SCO1: variants seen among roughly 807,000 people sequenced by gnomAD.
SCO1 encodes synthesis of cytochrome C oxidase 1.
A neutral mutation model predicts 34.0 loss-of-function variants in SCO1; 23 were observed. The observed-to-expected ratio is 0.68, with a 90% CI of 0.49 to 0.96. SCO1 has a LOEUF of 0.96. SCO1 is among the 40% of genes least tolerant of loss of function. The pLI is 0.00. For missense variants in SCO1, 404 were observed against 381.6 expected, an observed-to-expected ratio of 1.06 and a Z score of -0.49; for synonymous variants, 161 against 145.5, an observed-to-expected ratio of 1.11 and a Z score of -0.77.
intron 4 of SCO1, among the ~76,000 whole-genome samples, chr17:10,689,300 G>C (rs2074676938): frequency 6.6e-6 from 1 of 152,042 alleles, no homozygotes; most frequent in East Asian, 1.9e-4. Context: ...ATACTTTATT[G>C]CATGTCAATT....
rs1319455477 is a variant in SCO1, at chr17:10,678,676, G to A, written c.*2443C>T. Reference sequence around the variant, plus strand: ...CTTTCTTGACCAGATTCCTAGGAAAGTCATTCTAAACCAACTGCTTCCGAG... The same window carrying A: ...CTTTCTTGACCAGATTCCTAGGAAAATCATTCTAAACCAACTGCTTCCGAG... On this transcript the variant is annotated 3_prime_UTR_variant, in exon 6 of 6. Transcript: ENST00000255390. 6.6e-6 allele frequency: 1 copy of A among 152,164 alleles called. No homozygotes were observed. The highest frequency in any genetic ancestry group is 1.5e-5 in the Non-Finnish European group (1 of 68,036). 9.4% of individuals were successfully genotyped at this position (152,164 alleles called of 1,614,324 possible).
intron 1 of SCO1, among the ~76,000 whole-genome samples, chr17:10,696,516 T>C (rs577037883): frequency 1.4e-4 from 22 of 152,270 alleles, no homozygotes; most frequent in South Asian, 2.1e-4. Flanking sequence ...CTGAGATAAA[T>C]AGACCAAACG....
In SCO1 at chr17:10,695,801, A is replaced by C. The variant is rs539094737; in HGVS notation, c.304T>G (p.Phe102Val). ...PVSWKSLAIT[F>V]AIGGALLAGM... ...GCCAGTAAAGCTCCTCCAATAGCAAATGTGATTGCTAAAGACTTCCAGGAA... is the reference window on the plus strand; with the variant it reads ...GCCAGTAAAGCTCCTCCAATAGCAACTGTGATTGCTAAAGACTTCCAGGAA... The change falls in exon 2 of 6, where the codon TTT becomes GTT. Residue 102 changes from phenylalanine (F) to valine (V), a missense_variant. Coordinates refer to ENST00000255390, the MANE Select transcript of SCO1 (RefSeq NM_004589.4). 14 of 1,613,520 alleles carry C rather than the reference A, an allele frequency of 8.7e-6. 1 individual carries two copies. The South Asian group carries it at 1.4e-4, about 16-fold the overall frequency.
chr17:10,680,557 C>A lies in SCO1; in HGVS notation c.*562G>T. The A allele has an allele frequency of 6.4e-6, 1 of 155,570 alleles. No homozygotes were observed. The highest frequency in any genetic ancestry group is 6.2e-5 in the Admixed American group (1 of 16,052). 9.6% of individuals were successfully genotyped at this position (155,570 alleles called of 1,614,324 possible). A position where few individuals can be genotyped will look rare whatever the true frequency, so the allele number is the denominator to read the frequency against. On this transcript the variant is annotated 3_prime_UTR_variant, in exon 6 of 6. Transcript: ENST00000255390. ...AACAATAGATTTCCTCTTCATTAGT[C>A]AAATCTGATAGTGATATTCATTAAT...
intron 4 of SCO1, among the ~76,000 whole-genome samples, chr17:10,688,520 C>G (rs1253544118): frequency 6.6e-6 from 1 of 152,112 alleles, no homozygotes; most frequent in Admixed American, 6.5e-5. Context: ...TGTGGAGGAG[C>G]TGGGACTCTC....
intron 2 of SCO1, 178 bp downstream of exon 2, chr17:10,695,563 C>T: frequency 3.6e-6 from 2 of 561,828 alleles, no homozygotes; most frequent in Non-Finnish European, 3.2e-6. Flanking sequence ...CATGGTTATA[C>T]AAGATGTTAA....
At chr17:10,696,650 C>A (rs1166794885) in intron 1 of SCO1, among the ~76,000 whole-genome samples, 1 of 151,726 alleles carries the variant, frequency 6.6e-6, no homozygotes, top group Admixed American at 6.5e-5. Flanking sequence ...ATTCAACTCC[C>A]CAAATGAAGA....
At position 10,679,045 on chromosome 17, in the gene SCO1, A is replaced by C. The variant is rs1292475026; in HGVS notation, c.*2074T>G. The C allele has an allele frequency of 1.3e-5, 2 of 152,202 alleles. No homozygotes were observed. The highest frequency in any genetic ancestry group is 2.4e-5 in the African/African-American group (1 of 41,376). 9.4% of individuals were successfully genotyped at this position (152,202 alleles called of 1,614,324 possible). Reference sequence around the variant, plus strand: ...ACTGCCACCTCTGCCTCCTGGGTTCAAGCGATTCTCCTGCCTCAGCCTCCG... The same window carrying C: ...ACTGCCACCTCTGCCTCCTGGGTTCCAGCGATTCTCCTGCCTCAGCCTCCG... On this transcript the variant is annotated 3_prime_UTR_variant, in exon 6 of 6. Transcript: ENST00000255390.
chr17:10,686,918 A>C, intron 4 of SCO1, 76 bp from the exon 5 acceptor site: 1 of 945,648 alleles, frequency 1.1e-6, no homozygotes. Flanking sequence ...AAAATGTATC[A>C]GTTGTAAAGC....
In SCO1 at chr17:10,692,882, C is replaced by T; in HGVS notation, c.444G>A (p.Glu148=). 6.2e-7 allele frequency: 1 copy of T among 1,614,186 alleles called. No individual in the cohort carries two copies. The highest frequency in any genetic ancestry group is 8.5e-7 in the Non-Finnish European group (1 of 1,180,026). Residue 148 remains glutamate (E), a synonymous_variant, in exon 3 of 6, where the codon GAG becomes GAA. Coordinates refer to ENST00000255390, the MANE Select transcript of SCO1 (RefSeq NM_004589.4). ...GPFSLTTHTG[E]RKTDKDYLGQ... Reference sequence around the variant, plus strand: ...CCAAGTAGTCCTTGTCAGTTTTACGCTCCCCAGTATGAGTTGTGAGGGAAA... The same window carrying T: ...CCAAGTAGTCCTTGTCAGTTTTACGTTCCCCAGTATGAGTTGTGAGGGAAA...
Position 10,697,288 on chromosome 17 carries a change from G to A in SCO1, c.220C>T (p.Pro74Ser), listed in dbSNP as rs1426952935. The A allele has an allele frequency of 4.5e-6, 7 of 1,566,108 alleles. No individual in the cohort carries two copies. The highest frequency in any genetic ancestry group is 2.1e-4 in the Middle Eastern group (1 of 4,712). ...TRPLSTARPP[P>S]PWSQKGPGDS... ...CCGGGGCCCTTCTGCGACCACGGGGGTGGCGGCCTCGCAGTGCTGAGGGGC... is the reference window on the plus strand; with the variant it reads ...CCGGGGCCCTTCTGCGACCACGGGGATGGCGGCCTCGCAGTGCTGAGGGGC... Residue 74 changes from proline to serine, a missense_variant, in exon 1 of 6, where the codon CCC becomes TCC. Coordinates refer to ENST00000255390, the MANE Select transcript of SCO1 (RefSeq NM_004589.4).
At chr17:10,696,440 G>T (rs964234686) in intron 1 of SCO1, among the ~76,000 whole-genome samples, 1 of 152,066 alleles carries the variant, frequency 6.6e-6, no homozygotes, top group Non-Finnish European at 1.5e-5. Context: ...GCAAAACTCC[G>T]TCTCAAAACA....
chr17:10,674,488 T>G lies in SCO1; in HGVS notation c.*6631A>C. The G allele has an allele frequency of 4.0e-6, 1 of 248,600 alleles. No individual in the cohort carries two copies. 15.4% of individuals were successfully genotyped at this position (248,600 alleles called of 1,614,324 possible). On this transcript the variant is annotated 3_prime_UTR_variant, in exon 6 of 6. Transcript: ENST00000255390. The stretch of plus-strand genomic sequence containing the variant: ...GATTGAGGAGAGCTGGAGTGGAGCC[T>G]GAGAAGCTGCATTTCTGCTAAGTAC...
In SCO1 at chr17:10,692,964, T is replaced by G. The variant is rs1171066941; in HGVS notation, c.365-3A>C. On this transcript the variant is annotated splice_region_variant and splice_polypyrimidine_tract_variant and intron_variant, in intron 2 of 5. Transcript: ENST00000255390. ...TCGCTGCCGTTCCTTCTCTAACTCT[T>G]AAGGAGACAAAAACATATCGACACC... The G allele has an allele frequency of 1.9e-6, 3 of 1,613,754 alleles. No homozygotes were observed. The highest frequency in any genetic ancestry group is 2.5e-6 in the Non-Finnish European group (3 of 1,179,802).
chr17:10,688,980 G>C lies in SCO1; in HGVS notation c.656-2138C>G, dbSNP rs980161782. Among the ~76,000 whole-genome samples, 26 of 148,474 alleles carry C rather than the reference G, an allele frequency of 1.8e-4. 3 individuals are homozygous for C. Among genetic ancestry groups the C allele is most frequent in the African/African-American group, 6.8e-4 (26 of 38,330 alleles). ...AAATACAAAAAATTAGCCGGGCGTG[G>C]TAGCGGGCGCCTGTAGTCCCAGCTA... is the stretch of plus-strand genomic sequence containing the variant. On this transcript the variant is annotated intron_variant, in intron 4 of 5. Transcript: ENST00000255390.
At chr17:10,696,207 G>A (rs2074724275) in intron 1 of SCO1, among the ~76,000 whole-genome samples, 4 of 152,146 alleles carry the variant, frequency 2.6e-5, no homozygotes, top group Admixed American at 2.0e-4. Context: ...CACTTTGGGA[G>A]GCGGAGGCGG....
intron 1 of SCO1, among the ~76,000 whole-genome samples, chr17:10,696,707 G>A (rs2074730339): frequency 1.3e-5 from 2 of 152,032 alleles, no homozygotes; most frequent in South Asian, 4.1e-4. Flanking sequence ...CCTTCCCGTA[G>A]CTCCAAAAAC....
intron 4 of SCO1, among the ~76,000 whole-genome samples, chr17:10,689,262 G>A (rs890843918): frequency 2.0e-5 from 3 of 151,942 alleles, no homozygotes; most frequent in Non-Finnish European, 4.4e-5. Context: ...AGTTACAAAA[G>A]GCAACAAATT....
intron 1 of SCO1, 83 bp downstream of exon 1, chr17:10,697,152 G>A: frequency 1.5e-6 from 2 of 1,314,188 alleles, no homozygotes; most frequent in Non-Finnish European, 2.0e-6. Context: ...AGTAGTGTCT[G>A]AGGTTACGAC....
Sources: gnomAD v4.1 joint callset for allele counts (sites outside exome capture counted in the v4.1 genomes callset) on GRCh38, gnomAD v4.1.1 for gene constraint, MANE v1.5 for transcripts, NCBI Gene and HGNC (gene_info 2026-07-23, HGNC 2026-07-21) for gene names.